The following NCKAP5 variants were observed in gnomAD, a reference collection of about 807,000 sequenced individuals.
NCKAP5 encodes the protein nck-associated protein 5.
In NCKAP5, 92 loss-of-function variants were observed where a neutral mutation model predicts 167.0. The ratio of observed to expected loss-of-function variants is 0.55; its 90% CI spans 0.47 to 0.66. NCKAP5 has a LOEUF of 0.66. Ranked by LOEUF, NCKAP5 falls within the 30% of genes least tolerant of loss-of-function variation. The probability of loss-of-function intolerance (pLI) is 0.00; values close to 1 mark genes in which losing one functional copy is unlikely to be tolerated. For missense variants in NCKAP5, 2,378 were observed against 2,315.0 expected (o/e 1.03, Z -0.56); for synonymous variants, 891 against 877.4 (o/e 1.02, Z -0.27).
chr2:133,482,071 A>G lies in NCKAP5; in HGVS notation c.69+35387T>C, dbSNP rs1015329830. Among the ~76,000 whole-genome samples, 22 of 152,078 alleles carry G rather than the reference A, an allele frequency of 1.4e-4. No individual in the cohort carries two copies. In the South Asian group the frequency reaches 3.1e-3, roughly 22 times the overall value. On this transcript the variant is annotated intron_variant, in intron 3 of 19. Transcript: ENST00000409261. ...TTTTTTAATCTTCCACAAACATGCT[A>G]TATTTCTTTATGTATGTGCATGGCT...
At chr2:133,275,314 A>C (rs928311326) in intron 4 of NCKAP5, among the ~76,000 whole-genome samples, 1 of 152,016 alleles carries the variant, frequency 6.6e-6, no homozygotes, top group Non-Finnish European at 1.5e-5. Flanking sequence ...AATAATTTGG[A>C]TATATTTATT....
intron 2 of NCKAP5, among the ~76,000 whole-genome samples, chr2:133,552,472 A>G (rs1457261034): frequency 6.8e-6 from 1 of 147,568 alleles, no homozygotes; most frequent in African/African-American, 2.5e-5. Flanking sequence ...GGAAATCATC[A>G]TTCTCAGTAA....
At chr2:133,414,244 C>T (rs770622101) in intron 3 of NCKAP5, among the ~76,000 whole-genome samples, 1 of 152,116 alleles carries the variant, frequency 6.6e-6, no homozygotes, top group Admixed American at 6.5e-5. Context: ...ATTGGAAATA[C>T]CTAGACACAA....
chr2:133,069,255 T>A (rs1258155275), intron 6 of NCKAP5, among the ~76,000 whole-genome samples: 1 of 152,210 alleles, frequency 6.6e-6, no homozygotes, highest in Admixed American at 6.5e-5. Context: ...AACATATACA[T>A]GTAAAACACT....
chr2:133,368,975 C>A (rs1559423089), intron 3 of NCKAP5, among the ~76,000 whole-genome samples: 1 of 152,118 alleles, frequency 6.6e-6, no homozygotes, highest in Non-Finnish European at 1.5e-5. Flanking sequence ...TTTGTTTCCA[C>A]AAGGACATAT....
intron 8 of NCKAP5, among the ~76,000 whole-genome samples, chr2:132,946,854 C>T (rs569694941): frequency 2.6e-5 from 4 of 152,062 alleles, no homozygotes; most frequent in Non-Finnish European, 4.4e-5. Context: ...GCCGAGATGG[C>T]GCCACCGCAC....
At chr2:132,768,637 C>CTTTTTTTTTTTTT (rs566719697) in intron 16 of NCKAP5, among the ~76,000 whole-genome samples, 1 of 124,586 alleles carries the variant, frequency 8.0e-6, no homozygotes. Context: ...TTAATAATAT[C>CTTTTTTTTTTTTT]TTTTTTTTTT....
At chr2:133,449,980 A>G (rs1691444215) in intron 3 of NCKAP5, among the ~76,000 whole-genome samples, 1 of 151,922 alleles carries the variant, frequency 6.6e-6, no homozygotes, top group Non-Finnish European at 1.5e-5. Context: ...GGGACTCACC[A>G]TCTCCCAGGC....
intron 7 of NCKAP5, among the ~76,000 whole-genome samples, chr2:132,988,005 C>A (rs2077338414): frequency 6.6e-6 from 1 of 152,144 alleles, no homozygotes; most frequent in Admixed American, 6.5e-5. Context: ...TGGTACACTG[C>A]AGGTGCTCAG....
At chr2:133,662,175 T>C in the NCKAP5 span, among the ~76,000 whole-genome samples, 1 of 152,162 alleles carries the variant, frequency 6.6e-6, no homozygotes, top group Admixed American at 6.5e-5. Context: ...ACTAAATCAA[T>C]TTAAGATAAT....
chr2:133,614,706 C>G, the NCKAP5 span, among the ~76,000 whole-genome samples: 2 of 152,138 alleles, frequency 1.3e-5, no homozygotes, highest in African/African-American at 4.8e-5. Flanking sequence ...GAGAACGGAA[C>G]CAAGTTGGAA....
chr2:133,657,311 T>C, the NCKAP5 span, among the ~76,000 whole-genome samples: 3 of 152,208 alleles, frequency 2.0e-5, no homozygotes, highest in Non-Finnish European at 2.9e-5. Context: ...GGCTTCCACA[T>C]GTGTGTTGGA....
At chr2:133,367,866 A>C (rs1685551557) in intron 3 of NCKAP5, among the ~76,000 whole-genome samples, 1 of 152,108 alleles carries the variant, frequency 6.6e-6, no homozygotes, top group South Asian at 2.1e-4. Flanking sequence ...ACAAACAAAC[A>C]AAAAAATTGG....
At chr2:132,880,407 A>G (rs1691655016) in intron 8 of NCKAP5, among the ~76,000 whole-genome samples, 1 of 152,198 alleles carries the variant, frequency 6.6e-6, no homozygotes, top group Non-Finnish European at 1.5e-5. Flanking sequence ...AGGCAGGTGC[A>G]TCACTAGAGG....
chr2:133,373,319 A>G (rs1685926479), intron 3 of NCKAP5, among the ~76,000 whole-genome samples: 1 of 152,142 alleles, frequency 6.6e-6, no homozygotes, highest in Admixed American at 6.5e-5. Flanking sequence ...TCGGCCTCCC[A>G]AAGTGCTGGG....
chr2:132,724,406 A>T (rs1690242288), intron 19 of NCKAP5, among the ~76,000 whole-genome samples: 1 of 152,126 alleles, frequency 6.6e-6, no homozygotes, highest in African/African-American at 2.4e-5. Context: ...CTCAATAATG[A>T]ATGGAGAACG....
chr2:133,367,639 T>C (rs1158838529), intron 3 of NCKAP5, among the ~76,000 whole-genome samples: 2 of 152,164 alleles, frequency 1.3e-5, no homozygotes, highest in Admixed American at 6.6e-5. Context: ...AAATACTTTG[T>C]ATTTGTTAGA....
At chr2:133,501,113 A>C (rs1440195588) in intron 3 of NCKAP5, among the ~76,000 whole-genome samples, 1 of 152,240 alleles carries the variant, frequency 6.6e-6, no homozygotes, top group Non-Finnish European at 1.5e-5. Context: ...ACAAGAAGGT[A>C]CAGCTGAAAC....
chr2:132,841,672 T>C (rs1688306655), intron 11 of NCKAP5, among the ~76,000 whole-genome samples: 1 of 152,140 alleles, frequency 6.6e-6, no homozygotes, highest in African/African-American at 2.4e-5. Flanking sequence ...CTATTATACT[T>C]AATTGGTTTC....
Sources: gnomAD v4.1 joint callset for allele counts (sites outside exome capture counted in the v4.1 genomes callset) on GRCh38, gnomAD v4.1.1 for gene constraint, MANE v1.5 for transcripts, NCBI Gene and HGNC (gene_info 2026-07-23, HGNC 2026-07-21) for gene names.